The following SORCS2 variants were observed in gnomAD, a reference collection of about 807,000 sequenced individuals.
SORCS2 encodes sortilin related VPS10 domain containing receptor 2, also known as VPS10 domain-containing receptor SorCS2.
In SORCS2, 100 loss-of-function variants were observed where a neutral mutation model predicts 141.6. The observed-to-expected ratio is 0.71, with a 90% CI of 0.60 to 0.83. The LOEUF (loss-of-function observed/expected upper bound fraction) is 0.83. SORCS2 is among the 40% of genes least tolerant of loss of function. The pLI is 0.00. For synonymous variants in SORCS2, 789 were observed against 676.9 expected, an observed-to-expected ratio of 1.17 and a Z score of -2.57; for missense variants, 1,646 against 1,560.2, an observed-to-expected ratio of 1.05 and a Z score of -0.93.
At chr4:7,452,000 T>C (rs962386819) in intron 2 of SORCS2, among the ~76,000 whole-genome samples, 4 of 152,170 alleles carry the variant, frequency 2.6e-5, no homozygotes, top group African/African-American at 9.7e-5. Context: ...ACCCAGGCCC[T>C]ATTCTGTGCC....
intron 2 of SORCS2, among the ~76,000 whole-genome samples, chr4:7,472,391 C>T (rs952044408): frequency 2.0e-5 from 3 of 152,120 alleles, no homozygotes; most frequent in African/African-American, 7.2e-5. Context: ...AAGTGGACGG[C>T]ATGTTCCCCG....
At chr4:7,584,062 G>A (rs4689787) in intron 3 of SORCS2, among the ~76,000 whole-genome samples, 44,671 of 152,108 alleles carry the variant, frequency 0.29, 7,444 homozygotes, top group East Asian at 0.69. Context: ...TGTGTCTTGC[G>A]GACACTAACA....
intron 2 of SORCS2, among the ~76,000 whole-genome samples, chr4:7,454,396 T>G: frequency 8.7e-6 from 1 of 114,358 alleles, no homozygotes; most frequent in Non-Finnish European, 1.7e-5. Context: ...TGCTGTGTGT[T>G]GGGGTCAGGT....
chr4:7,410,545 C>T (rs762702974), intron 2 of SORCS2, among the ~76,000 whole-genome samples: 2 of 152,176 alleles, frequency 1.3e-5, no homozygotes, highest in Non-Finnish European at 2.9e-5. Flanking sequence ...GCAGACAATG[C>T]GTGTAAAATG....
intron 1 of SORCS2, among the ~76,000 whole-genome samples, chr4:7,360,350 C>T (rs1003755129): frequency 7.2e-5 from 11 of 152,074 alleles, no homozygotes; most frequent in Admixed American, 3.3e-4. Context: ...GGGGTCCCAA[C>T]CCTGCCTGAC....
chr4:7,246,776 C>T (rs773361341), intron 1 of SORCS2, among the ~76,000 whole-genome samples: 4 of 152,184 alleles, frequency 2.6e-5, no homozygotes, highest in Admixed American at 6.5e-5. Context: ...GAGCTGTGAG[C>T]GTGCGCTTTG....
At chr4:7,567,466 G>C (rs1715104638) in intron 3 of SORCS2, among the ~76,000 whole-genome samples, 1 of 143,774 alleles carries the variant, frequency 7.0e-6, no homozygotes, top group Admixed American at 6.8e-5. Context: ...TCCTCTGTTG[G>C]AATTTGTATA....
chr4:7,734,416 G>C, intron 25 of SORCS2, 42 bp downstream of exon 25: 1 of 1,375,682 alleles, frequency 7.3e-7, no homozygotes, highest in Non-Finnish European at 9.8e-7. Context: ...CTCTGACCAT[G>C]GGGCCGTAGG....
At chr4:7,569,362 A>G (rs1372157648) in intron 3 of SORCS2, among the ~76,000 whole-genome samples, 4 of 152,178 alleles carry the variant, frequency 2.6e-5, no homozygotes, top group Non-Finnish European at 5.9e-5. Flanking sequence ...GATACAAAAA[A>G]TTAGCTGGGC....
intron 1 of SORCS2, among the ~76,000 whole-genome samples, chr4:7,300,116 G>A (rs991858692): frequency 2.0e-5 from 3 of 152,184 alleles, no homozygotes; most frequent in Non-Finnish European, 4.4e-5. Context: ...AACAGGCATC[G>A]TCCCACCCTT....
At chr4:7,512,520 C>T (rs1416547625) in intron 2 of SORCS2, among the ~76,000 whole-genome samples, 6 of 152,086 alleles carry the variant, frequency 3.9e-5, no homozygotes, top group East Asian at 1.9e-4. Context: ...CTTAGTGCCA[C>T]GGGTGCCACT....
At chr4:7,449,704 C>T (rs1001812724) in intron 2 of SORCS2, among the ~76,000 whole-genome samples, 1 of 152,050 alleles carries the variant, frequency 6.6e-6, no homozygotes, top group East Asian at 2.0e-4. Context: ...CATGTTGGCC[C>T]TGGAGGGAAG....
intron 1 of SORCS2, among the ~76,000 whole-genome samples, chr4:7,216,466 T>C (rs904258580): frequency 6.6e-6 from 1 of 152,216 alleles, no homozygotes; most frequent in African/African-American, 2.4e-5. Context: ...CATTGTCTTA[T>C]GGTTCTGGAG....
At chr4:7,329,428 G>C (rs1719499910) in intron 1 of SORCS2, among the ~76,000 whole-genome samples, 2 of 152,136 alleles carry the variant, frequency 1.3e-5, no homozygotes. Context: ...CGGTGGCAAT[G>C]GTTAGTGTCT....
intron 23 of SORCS2, among the ~76,000 whole-genome samples, chr4:7,730,562 A>G (rs896233694): frequency 2.6e-5 from 4 of 152,216 alleles, no homozygotes; most frequent in Non-Finnish European, 5.9e-5. Flanking sequence ...CACCAAAAGG[A>G]ACGAAGCCCT....
At chr4:7,737,340 C>A in intron 26 of SORCS2, 168 bp downstream of exon 26, 2 of 868,200 alleles carry the variant, frequency 2.3e-6, no homozygotes, top group Non-Finnish European at 3.4e-6. Flanking sequence ...TCCCCTCCAT[C>A]TGATGAGGGG....
chr4:7,330,317 ATGGACACC>A (rs1050649013), intron 1 of SORCS2, among the ~76,000 whole-genome samples: 1 of 152,098 alleles, frequency 6.6e-6, no homozygotes, highest in Non-Finnish European at 1.5e-5. Context: ...GAATTAGGAC[ATGGACACC>A]TTTTAGGGGC....
At chr4:7,655,527 C>T (rs755707955) in intron 5 of SORCS2, among the ~76,000 whole-genome samples, 9 of 152,236 alleles carry the variant, frequency 5.9e-5, no homozygotes, top group Non-Finnish European at 1.3e-4. Flanking sequence ...AGGAGACTGG[C>T]GTCCTGGCCA....
At chr4:7,523,570 G>A (rs992615712) in intron 2 of SORCS2, among the ~76,000 whole-genome samples, 4 of 151,984 alleles carry the variant, frequency 2.6e-5, no homozygotes, top group Non-Finnish European at 4.4e-5. Context: ...AGGCCCAGCT[G>A]TCTGATATGG....
Sources: gnomAD v4.1 joint callset for allele counts (sites outside exome capture counted in the v4.1 genomes callset) on GRCh38, gnomAD v4.1.1 for gene constraint, MANE v1.5 for transcripts, NCBI Gene and HGNC (gene_info 2026-07-23, HGNC 2026-07-21) for gene names.